PTPRM: variants seen among roughly 807,000 people sequenced by gnomAD.
PTPRM encodes the protein receptor-type tyrosine-protein phosphatase mu.
Under a neutral mutation model 186.7 loss-of-function variants are expected in PTPRM, and 47 were observed. That is an observed-to-expected ratio of 0.25 (90% CI 0.20 to 0.32). The LOEUF is 0.32. PTPRM is among the 10% of genes least tolerant of loss of function. PTPRM has a pLI of 1.00. For missense variants in PTPRM, 1,494 were observed against 1,865.0 expected (o/e 0.80, Z 3.66); for synonymous variants, 668 against 674.9 (o/e 0.99, Z 0.16).
At chr18:7,934,313 A>G (rs1311915396) in intron 5 of PTPRM, among the ~76,000 whole-genome samples, 1 of 145,718 alleles carries the variant, frequency 6.9e-6, no homozygotes, top group Non-Finnish European at 1.5e-5. Context: ...AGAGATTGAT[A>G]TATTTTTTTT....
intron 11 of PTPRM, among the ~76,000 whole-genome samples, chr18:8,112,137 A>G (rs548582878): frequency 6.6e-6 from 1 of 152,338 alleles, no homozygotes; most frequent in East Asian, 1.9e-4. Flanking sequence ...TTAAGTTTAC[A>G]TCACTGGTAA....
chr18:7,666,349 C>T (rs1290422688), intron 1 of PTPRM, among the ~76,000 whole-genome samples: 2 of 152,076 alleles, frequency 1.3e-5, no homozygotes, highest in Non-Finnish European at 2.9e-5. Flanking sequence ...AAGGAAAACA[C>T]GAATGATAAC....
rs187521310 is a variant in PTPRM at position 7,647,568 on chromosome 18, A to T, written c.73+79677A>T. ...GGTTCTACTTTAATTGTAGCATAAT[A>T]AAGAAATATGATATAGTCAGAACTG... On this transcript the variant is annotated intron_variant, in intron 1 of 32. Coordinates refer to ENST00000580170, the MANE Select transcript of PTPRM (RefSeq NM_001105244.2). Among the ~76,000 whole-genome samples the T allele has an allele frequency of 1.2e-4, 19 of 152,348 alleles. No individual in the cohort carries two copies. In the East Asian group the frequency reaches 3.1e-3, roughly 25 times the overall value.
At chr18:8,236,490 A>T (rs1457807761) in intron 14 of PTPRM, among the ~76,000 whole-genome samples, 1 of 152,058 alleles carries the variant, frequency 6.6e-6, no homozygotes, top group Non-Finnish European at 1.5e-5. Flanking sequence ...TGTAGATCAT[A>T]TGTAGTTGAG....
At chr18:7,987,007 T>A (rs1307566827) in intron 7 of PTPRM, among the ~76,000 whole-genome samples, 1 of 152,194 alleles carries the variant, frequency 6.6e-6, no homozygotes, top group East Asian at 1.9e-4. Context: ...TGTCTTGATC[T>A]TGAGCTTCCA....
At chr18:8,286,820 T>G (rs935549755) in intron 19 of PTPRM, among the ~76,000 whole-genome samples, 3 of 152,192 alleles carry the variant, frequency 2.0e-5, no homozygotes, top group African/African-American at 7.2e-5. Context: ...AATTTTGATC[T>G]TTAGTTACCA....
chr18:8,205,778 A>G (rs797017290), intron 14 of PTPRM, among the ~76,000 whole-genome samples: 4 of 152,194 alleles, frequency 2.6e-5, no homozygotes, highest in African/African-American at 9.7e-5. Flanking sequence ...ATCTAGTTGC[A>G]TAATGAATTT....
chr18:7,882,681 C>T (rs2048569564), intron 2 of PTPRM, among the ~76,000 whole-genome samples: 1 of 152,158 alleles, frequency 6.6e-6, no homozygotes, highest in Admixed American at 6.5e-5. Context: ...ATTGAAGAAG[C>T]CATGTAACTC....
intron 19 of PTPRM, among the ~76,000 whole-genome samples, chr18:8,289,731 T>C (rs1296740283): frequency 6.6e-6 from 1 of 151,464 alleles, no homozygotes; most frequent in African/African-American, 2.4e-5. Flanking sequence ...ATTGCCGAGA[T>C]CATGATGGCT....
At chr18:8,293,005 G>A (rs1415762498) in intron 19 of PTPRM, among the ~76,000 whole-genome samples, 1 of 152,136 alleles carries the variant, frequency 6.6e-6, no homozygotes, top group Admixed American at 6.5e-5. Flanking sequence ...AGATGTTGAG[G>A]TGTCTGTCTT....
chr18:8,028,738 C>G (rs912858302), intron 7 of PTPRM, among the ~76,000 whole-genome samples: 1 of 152,134 alleles, frequency 6.6e-6, no homozygotes, highest in Non-Finnish European at 1.5e-5. Context: ...AAAAGAAGAG[C>G]GTATTTCTGC....
intron 14 of PTPRM, among the ~76,000 whole-genome samples, chr18:8,171,957 G>A (rs1315240056): frequency 6.6e-6 from 1 of 152,100 alleles, no homozygotes; most frequent in East Asian, 1.9e-4. Context: ...TGAATACTGT[G>A]CCGAAAGTGA....
At chr18:7,866,784 G>T (rs1484958507) in intron 2 of PTPRM, among the ~76,000 whole-genome samples, 1 of 152,118 alleles carries the variant, frequency 6.6e-6, no homozygotes, top group Admixed American at 6.6e-5. Flanking sequence ...ATTGACAGTG[G>T]GGTGTTAAAG....
At position 8,048,609 on chromosome 18, in the gene PTPRM, A is replaced by G. The variant is rs183055764; in HGVS notation, c.1133-21077A>G. On this transcript the variant is annotated intron_variant, in intron 7 of 32. Transcript: ENST00000580170. ...TTAAAAAAAAAAAAAGTTGGTAGTG[A>G]AAACACAGAAGAATAATTACAGTAT... 5.5e-4 allele frequency among the ~76,000 whole-genome samples: 84 copies of G among 152,222 alleles called. No individual in the cohort carries two copies. The East Asian group carries it at 0.016, about 29-fold the overall frequency.
intron 21 of PTPRM, 22 bp downstream of exon 21, chr18:8,314,879 A>G (rs1161929913): frequency 6.9e-7 from 1 of 1,452,742 alleles, no homozygotes. Flanking sequence ...ATTATTTTTA[A>G]TTGATATATA....
chr18:7,587,700 T>C (rs1001758278), intron 1 of PTPRM, among the ~76,000 whole-genome samples: 1 of 152,124 alleles, frequency 6.6e-6, no homozygotes, highest in Admixed American at 6.6e-5. Context: ...AGTTTCAATA[T>C]ACTTTAGCCA....
intron 13 of PTPRM, among the ~76,000 whole-genome samples, chr18:8,142,568 C>T (rs190224528): frequency 6.6e-6 from 1 of 152,222 alleles, no homozygotes; most frequent in Admixed American, 6.5e-5. Flanking sequence ...CTAAGGTTTT[C>T]GTGAGTCAGG....
Position 8,326,056 on chromosome 18 carries a change from T to G in PTPRM, c.2956+6842T>G, listed in dbSNP as rs1445161269. ...TTGCTTGTTAATTTGTTTAAGTTCC[T>G]TATAGACTCTGGATATTAGACCTTT... On this transcript the variant is annotated intron_variant, in intron 22 of 32. Coordinates refer to ENST00000580170, the MANE Select transcript of PTPRM (RefSeq NM_001105244.2). Among the ~76,000 whole-genome samples, 4 of 152,230 alleles carry G rather than the reference T, an allele frequency of 2.6e-5. No individual in the cohort carries two copies. The East Asian group carries it at 5.8e-4, about 22-fold the overall frequency.
At chr18:7,708,500 C>CAACCTGCTG (rs933241083) in intron 1 of PTPRM, among the ~76,000 whole-genome samples, 99 of 152,308 alleles carry the variant, frequency 6.5e-4, no homozygotes, top group African/African-American at 2.1e-3. Context: ...TTAAAGCCTT[C>CAACCTGCTG]AACCTGCTGT....
Sources: gnomAD v4.1 joint callset for allele counts (sites outside exome capture counted in the v4.1 genomes callset) on GRCh38, gnomAD v4.1.1 for gene constraint, MANE v1.5 for transcripts, NCBI Gene and HGNC (gene_info 2026-07-23, HGNC 2026-07-21) for gene names.